ARL6: variants seen among roughly 807,000 people sequenced by gnomAD.
ARL6 encodes the protein ADP-ribosylation factor-like protein 6.
Under a neutral mutation model 27.1 loss-of-function variants are expected in ARL6, and 18 were observed. The observed-to-expected ratio is 0.66, with a 90% CI of 0.46 to 0.98. ARL6 has a LOEUF of 0.98. ARL6 is among the 50% of genes least tolerant of loss of function. The pLI is 0.00. For missense variants in ARL6, 187 were observed against 214.9 expected (o/e 0.87, Z 0.81); for synonymous variants, 65 against 72.3 (o/e 0.90, Z 0.51).
At chr3:97,785,342 A>T (rs987022058) in intron 5 of ARL6, among the ~76,000 whole-genome samples, 4 of 151,072 alleles carry the variant, frequency 2.6e-5, no homozygotes, top group African/African-American at 9.7e-5. Flanking sequence ...AAGCAAAAAA[A>T]AAAAAAAAAT....
chr3:97,799,299 C>T lies in ARL6; in HGVS notation c.*1250C>T, dbSNP rs1037495719. The T allele has an allele frequency of 6.6e-6, 1 of 152,014 alleles. No individual in the cohort carries two copies. Among genetic ancestry groups the T allele is most frequent in the Admixed American group, 6.6e-5 (1 of 15,258 alleles). 9.4% of individuals were successfully genotyped at this position (152,014 alleles called of 1,614,324 possible). A position where few individuals can be genotyped will look rare whatever the true frequency, so the allele number is the denominator to read the frequency against. On this transcript the variant is annotated 3_prime_UTR_variant, in exon 8 of 8. Coordinates refer to ENST00000463745, the MANE Select transcript of ARL6 (RefSeq NM_001278293.3). ...TTTCACAAAGATTTTAATAAAAGCA[C>T]ATAAAGCTACAATAAAAGTTCTATA...
At chr3:97,765,338 A>G (rs1166604485) in intron 1 of ARL6, among the ~76,000 whole-genome samples, 1 of 152,064 alleles carries the variant, frequency 6.6e-6, no homozygotes, top group Non-Finnish European at 1.5e-5. Flanking sequence ...CATTTCAATC[A>G]ACAAACACTT....
chr3:97,774,785 C>T (rs2036814399), intron 2 of ARL6, among the ~76,000 whole-genome samples: 2 of 152,148 alleles, frequency 1.3e-5, no homozygotes, highest in Non-Finnish European at 2.9e-5. Context: ...GGAGATAAGA[C>T]TCTCACTCAG....
chr3:97,797,891 TA>T, intron 7 of ARL6, 132 bp from the exon 8 acceptor site: 2 of 866,064 alleles, frequency 2.3e-6, no homozygotes, highest in Non-Finnish European at 3.7e-6. Flanking sequence ...ATCCTATCTC[TA>T]AAAAATAATA....
chr3:97,765,211 GGTGTGTGTGTGTGTGTGTGT>G (rs71113866), intron 1 of ARL6, among the ~76,000 whole-genome samples: 2 of 105,536 alleles, frequency 1.9e-5, no homozygotes, highest in Non-Finnish European at 4.5e-5. Context: ...GTGTATTGGG[GGTGTGTGTGTGTGTGTGTGT>G]GTGTGTGTGT....
Position 97,798,239 on chromosome 3 carries a change from A to C in ARL6, c.*190A>C. 1 of 588,762 alleles carries C rather than the reference A, an allele frequency of 1.7e-6. No individual in the cohort carries two copies. Among genetic ancestry groups the C allele is most frequent in the Non-Finnish European group, 3.0e-6 (1 of 329,566 alleles). The allele number at this position is 588,762 out of a possible 1,614,324, so 36.5% of individuals were successfully genotyped here. A position where few individuals can be genotyped will look rare whatever the true frequency, so the allele number is the denominator to read the frequency against. On this transcript the variant is annotated 3_prime_UTR_variant, in exon 8 of 8. Transcript: ENST00000463745. Reference sequence around the variant, plus strand: ...TTGGCCATTAATTATTTAAAAACTAAATATTCCCTCAAAAGGGCTCCCTAG... The same window carrying C: ...TTGGCCATTAATTATTTAAAAACTACATATTCCCTCAAAAGGGCTCCCTAG...
At chr3:97,785,410 T>C (rs1376501065) in intron 5 of ARL6, among the ~76,000 whole-genome samples, 1 of 149,804 alleles carries the variant, frequency 6.7e-6, no homozygotes, top group African/African-American at 2.4e-5. Flanking sequence ...AATTATTTGT[T>C]ACCATATTTT....
chr3:97,767,963 A>G, intron 1 of ARL6, 118 bp from the exon 2 acceptor site: 1 of 906,238 alleles, frequency 1.1e-6, no homozygotes, highest in South Asian at 1.5e-5. Flanking sequence ...CTACATTGAC[A>G]TAGTTTTCAC....
At chr3:97,780,359 T>C (rs1348133716) in intron 3 of ARL6, 139 bp downstream of exon 3, 1 of 759,790 alleles carries the variant, frequency 1.3e-6, no homozygotes, top group East Asian at 2.7e-5. Flanking sequence ...TTCTAACCAC[T>C]ATGGCTGGTT....
intron 2 of ARL6, among the ~76,000 whole-genome samples, chr3:97,778,199 G>A (rs1268200269): frequency 6.6e-6 from 1 of 152,028 alleles, no homozygotes; most frequent in Non-Finnish European, 1.5e-5. Flanking sequence ...TTATTGCAAA[G>A]GTTGTTCTGA....
Position 97,798,045 on chromosome 3 carries a change from C to T in ARL6, c.557C>T (p.Thr186Ile). ...WLQDQIQTVK[T>I] The stretch of plus-strand genomic sequence containing the variant: ...TCAGATCAGATCCAGACTGTGAAGA[C>T]ATGAAAAGATAATAGTTGGAAACCT... The change falls in exon 8 of 8, where the codon ACA becomes ATA. Residue 186 changes from threonine (T) to isoleucine (I), a missense_variant. Physicochemically the swap from Thr to Ile is moderately conservative, Grantham distance 89 (BLOSUM62 -1). Coordinates refer to ENST00000463745, the MANE Select transcript of ARL6 (RefSeq NM_001278293.3). The T allele has an allele frequency of 6.2e-7, 1 of 1,612,922 alleles. No individual in the cohort carries two copies. The highest frequency in any genetic ancestry group is 8.5e-7 in the Non-Finnish European group (1 of 1,179,232).
chr3:97,795,146 C>T (rs1200598566), intron 7 of ARL6, among the ~76,000 whole-genome samples: 2 of 152,082 alleles, frequency 1.3e-5, no homozygotes, highest in Non-Finnish European at 2.9e-5. Flanking sequence ...TGTAATGGCA[C>T]GATTCTGTTG....
At chr3:97,773,312 C>T (rs189677776) in intron 2 of ARL6, among the ~76,000 whole-genome samples, 1 of 152,308 alleles carries the variant, frequency 6.6e-6, no homozygotes, top group Admixed American at 6.5e-5. Context: ...GCACTGGCAG[C>T]TGATTAGATG....
intron 1 of ARL6, 48 bp from the exon 2 acceptor site, chr3:97,768,033 A>C: frequency 1.3e-6 from 2 of 1,552,778 alleles, no homozygotes; most frequent in Non-Finnish European, 1.8e-6. Context: ...AATATTTTCC[A>C]TAACTTAAGG....
intron 2 of ARL6, among the ~76,000 whole-genome samples, chr3:97,772,091 G>C (rs1463516742): frequency 6.6e-6 from 1 of 152,122 alleles, no homozygotes; most frequent in Non-Finnish European, 1.5e-5. Flanking sequence ...GGGATCGTTT[G>C]AGTTGAATTA....
chr3:97,791,870 T>C (rs780894712), intron 7 of ARL6, 44 bp downstream of exon 7: 13 of 1,530,100 alleles, frequency 8.5e-6, no homozygotes, highest in African/African-American at 4.1e-5. Flanking sequence ...TGTTTCCTTT[T>C]TATTCATATT....
chr3:97,796,720 A>G (rs2038022267), intron 7 of ARL6, among the ~76,000 whole-genome samples: 1 of 152,142 alleles, frequency 6.6e-6, no homozygotes, highest in Admixed American at 6.6e-5. Context: ...AAAAAAAATT[A>G]AAGCTTCCTG....
Position 97,784,956 on chromosome 3 carries a change from G to A in ARL6, c.256G>A (p.Glu86Lys). The stretch of plus-strand genomic sequence containing the variant: ...TTTCTTTTTCTTTACATTACACAGA[G>A]AAGGCCAAGCTATTATTTTTGTCAT... Reference protein sequence around the residue: ...YRNLWEHYYKEGQAIIFVIDS... With the variant: ...YRNLWEHYYKKGQAIIFVIDS... Residue 86 changes from glutamate to lysine, a missense_variant and splice_region_variant, in exon 5 of 8, where the codon GAA (glutamate) becomes AAA (lysine). Coordinates refer to ENST00000463745, the MANE Select transcript of ARL6 (RefSeq NM_001278293.3). 1.2e-6 allele frequency: 2 copies of A among 1,610,486 alleles called. No homozygotes were observed. Among genetic ancestry groups the A allele is most frequent in the Non-Finnish European group, 1.7e-6 (2 of 1,177,140 alleles).
At chr3:97,766,132 T>C (rs2036367696) in intron 1 of ARL6, 1 of 152,162 alleles carries the variant, frequency 6.6e-6, no homozygotes, top group South Asian at 2.1e-4. Flanking sequence ...CTTTAAACAC[T>C]CAGTGCTTTA....
Sources: allele counts gnomAD v4.1 joint callset (sites outside exome capture counted in the v4.1 genomes callset), GRCh38; gene constraint gnomAD v4.1.1; transcripts MANE v1.5; gene names NCBI Gene and HGNC (gene_info 2026-07-23, HGNC 2026-07-21).